The following CDH12 variants were observed in gnomAD, a reference collection of about 807,000 sequenced individuals.
CDH12 encodes the protein cadherin 12, also known as cadherin-12.
Under a neutral mutation model 74.1 loss-of-function variants are expected in CDH12, and 41 were observed. The observed-to-expected ratio is 0.55, with a 90% confidence interval of 0.43 to 0.72. The LOEUF is 0.72. CDH12 is among the 30% of genes least tolerant of loss of function. CDH12 has a pLI of 0.00. For synonymous variants in CDH12, 399 were observed against 355.0 expected (o/e 1.12, Z -1.39); for missense variants, 945 against 977.2 (o/e 0.97, Z 0.44).
intron 2 of CDH12, among the ~76,000 whole-genome samples, chr5:22,465,954 C>T (rs1408021232): frequency 6.6e-6 from 1 of 152,176 alleles, no homozygotes; most frequent in Non-Finnish European, 1.5e-5. Context: ...TCTTACTCTA[C>T]CCCACCAACA....
intron 8 of CDH12, among the ~76,000 whole-genome samples, chr5:21,817,526 A>G (rs1266050530): frequency 6.7e-6 from 1 of 148,464 alleles, no homozygotes; most frequent in Non-Finnish European, 1.5e-5. Context: ...ACATAGATAG[A>G]TGATAGATAG....
rs1747877571 is a variant in CDH12 at position 22,154,486 on chromosome 5, CACATATATATGT to C, written c.-187+58000_-187+58011del. 4.9e-4 allele frequency among the ~76,000 whole-genome samples: 17 copies of C among 34,814 alleles called. 1 individual carries two copies. The South Asian group carries it at 0.018, about 37-fold the overall frequency. 22.8% of individuals were successfully genotyped at this position (34,814 alleles called of 152,430 possible). ...ATATATATGTACACATATATATGTA[CACATATATATGT>C]ACACATATATATGTACACATATATA... On this transcript the variant is annotated intron_variant, in intron 4 of 14. Coordinates refer to ENST00000382254, the MANE Select transcript of CDH12 (RefSeq NM_004061.5).
At chr5:22,580,614 A>G (rs954687994) in intron 1 of CDH12, 9 of 484,986 alleles carry the variant, frequency 1.9e-5, no homozygotes, top group Admixed American at 1.3e-4. Context: ...CCTGAAGTAC[A>G]TACCCCACAT....
intron 2 of CDH12, among the ~76,000 whole-genome samples, chr5:22,487,595 T>C (rs1254915947): frequency 6.6e-6 from 1 of 152,124 alleles, no homozygotes; most frequent in African/African-American, 2.4e-5. Flanking sequence ...AACAGAAAGC[T>C]GAGTTGAACA....
chr5:22,569,466 G>A (rs779050903), intron 1 of CDH12, among the ~76,000 whole-genome samples: 13 of 152,120 alleles, frequency 8.5e-5, no homozygotes, highest in Non-Finnish European at 1.8e-4. Flanking sequence ...GCAGAACCAT[G>A]AGCCAATTAA....
chr5:22,478,928 TATCAAA>T lies in CDH12; in HGVS notation c.-428+26336_-428+26341del, dbSNP rs1421115243. 2.0e-5 allele frequency among the ~76,000 whole-genome samples: 3 copies of T among 152,224 alleles called. No individual in the cohort carries two copies. The East Asian group carries it at 5.8e-4, about 29-fold the overall frequency. ...AGGAAAATGTTTTCTGTTTGCTCTT[TATCAAA>T]GAGAATGATGCTCTAAGTCCAATTA... is the stretch of plus-strand genomic sequence containing the variant. On this transcript the variant is annotated intron_variant, in intron 2 of 14. Coordinates refer to ENST00000382254, the MANE Select transcript of CDH12 (RefSeq NM_004061.5).
At chr5:22,441,606 T>C (rs961506259) in intron 2 of CDH12, among the ~76,000 whole-genome samples, 36 of 150,052 alleles carry the variant, frequency 2.4e-4, no homozygotes, top group African/African-American at 8.4e-4. Context: ...ACTCAATGAC[T>C]AGTAGATTAA....
At chr5:22,057,148 C>T (rs1429070773) in intron 5 of CDH12, among the ~76,000 whole-genome samples, 1 of 152,152 alleles carries the variant, frequency 6.6e-6, no homozygotes, top group East Asian at 1.9e-4. Flanking sequence ...GTCATAACTA[C>T]TCAACTTCAC....
At chr5:22,121,692 G>A (rs1000514917) in intron 4 of CDH12, among the ~76,000 whole-genome samples, 2 of 151,978 alleles carry the variant, frequency 1.3e-5, no homozygotes, top group Non-Finnish European at 2.9e-5. Flanking sequence ...ATATTTTTGT[G>A]TATTCCTTTT....
intron 1 of CDH12, among the ~76,000 whole-genome samples, chr5:22,717,880 G>T (rs1214014529): frequency 6.6e-6 from 1 of 151,966 alleles, no homozygotes; most frequent in East Asian, 1.9e-4. Context: ...CTTGTGTCCT[G>T]ATCTTGCCTA....
chr5:22,407,934 G>A (rs1156749246), intron 2 of CDH12, among the ~76,000 whole-genome samples: 1 of 152,022 alleles, frequency 6.6e-6, no homozygotes, highest in Non-Finnish European at 1.5e-5. Flanking sequence ...TTACTGTACT[G>A]TGTAGAAATA....
intron 1 of CDH12, among the ~76,000 whole-genome samples, chr5:22,599,519 T>C (rs1173568994): frequency 6.6e-6 from 1 of 152,138 alleles, no homozygotes; most frequent in Non-Finnish European, 1.5e-5. Flanking sequence ...CCTACAGTTC[T>C]TATCATTGAA....
intron 3 of CDH12, among the ~76,000 whole-genome samples, chr5:22,391,700 C>T (rs1280081421): frequency 6.6e-6 from 1 of 151,834 alleles, no homozygotes; most frequent in African/African-American, 2.4e-5. Context: ...CTGAGGTTTT[C>T]CTGTGCAGGT....
At chr5:21,816,681 A>G (rs565086647) in intron 9 of CDH12, among the ~76,000 whole-genome samples, 5 of 147,838 alleles carry the variant, frequency 3.4e-5, no homozygotes, top group Non-Finnish European at 7.5e-5. Flanking sequence ...TATATAAGAT[A>G]CAAACTATGT....
intron 1 of CDH12, among the ~76,000 whole-genome samples, chr5:22,654,541 C>T (rs756935459): frequency 5.8e-4 from 89 of 152,160 alleles, no homozygotes; most frequent in African/African-American, 2.0e-3. Context: ...CTGCCTGCCT[C>T]GGCCTCCCAA....
intron 1 of CDH12, among the ~76,000 whole-genome samples, chr5:22,589,669 C>T (rs1212977957): frequency 6.6e-5 from 10 of 152,158 alleles, no homozygotes; most frequent in East Asian, 1.9e-4. Context: ...ATCCCACTCA[C>T]GTGATTCTCC....
chr5:21,873,876 T>TATTTGGTTTTCTGCTCCTGCGC, intron 6 of CDH12, among the ~76,000 whole-genome samples: 1 of 148,326 alleles, frequency 6.7e-6, no homozygotes, highest in South Asian at 2.2e-4. Flanking sequence ...GAACATGCGG[T>TATTTGGTTTTCTGCTCCTGCGC]TACTTTTCTG....
At chr5:22,633,759 G>A (rs1293065869) in intron 1 of CDH12, among the ~76,000 whole-genome samples, 1 of 152,160 alleles carries the variant, frequency 6.6e-6, no homozygotes, top group Non-Finnish European at 1.5e-5. Context: ...CTTTGAACCA[G>A]CTTTCCTGGA....
chr5:22,667,356 C>T (rs1740678637), intron 1 of CDH12, among the ~76,000 whole-genome samples: 1 of 152,068 alleles, frequency 6.6e-6, no homozygotes, highest in Non-Finnish European at 1.5e-5. Context: ...AGACAGGTCA[C>T]CCCAGTGAGT....
Sources: allele counts gnomAD v4.1 joint callset (sites outside exome capture counted in the v4.1 genomes callset), GRCh38; gene constraint gnomAD v4.1.1; transcripts MANE v1.5; gene names NCBI Gene and HGNC (gene_info 2026-07-23, HGNC 2026-07-21).